The following SMG6 variants were observed in gnomAD, a reference collection of about 807,000 sequenced individuals.
The protein encoded by SMG6 is telomerase-binding protein EST1A.
In SMG6, 66 loss-of-function variants were observed where a neutral mutation model predicts 142.2. The ratio of observed to expected loss-of-function variants is 0.46; its 90% CI spans 0.38 to 0.57. SMG6 has a LOEUF of 0.57. SMG6 is among the 20% of genes least tolerant of loss of function. The probability of loss-of-function intolerance (pLI) is 0.00; values close to 1 mark genes in which losing one functional copy is unlikely to be tolerated. For synonymous variants in SMG6, 779 were observed against 702.4 expected, an observed-to-expected ratio of 1.11 and a Z score of -1.72; for missense variants, 1,793 against 1,832.0, an observed-to-expected ratio of 0.98 and a Z score of 0.39.
At chr17:2,273,095 A>G (rs997465797) in intron 8 of SMG6, among the ~76,000 whole-genome samples, 2 of 152,174 alleles carry the variant, frequency 1.3e-5, no homozygotes, top group African/African-American at 4.8e-5. Flanking sequence ...TTTTACAGGG[A>G]AAATGTGTAT....
rs1187202224 is a variant in SMG6 at position 2,188,434 on chromosome 17, C to T, written c.2951G>A (p.Arg984His). 20 of 1,613,974 alleles carry T rather than the reference C, an allele frequency of 1.2e-5. No homozygotes were observed. Among genetic ancestry groups the T allele is most frequent in the East Asian group, 8.9e-5 (4 of 44,882 alleles). Residue 984 changes from arginine (R) to histidine (H), a missense_variant, in exon 11 of 19, where the codon CGC (arginine) becomes CAC (histidine). Arg to His is a conservative substitution (Grantham distance 29, BLOSUM62 0). Around this residue, in one of 3 missense-constraint regions of SMG6, gnomAD observed 1,597 missense variants for 1,584.6 expected, o/e 1.01. Transcript: ENST00000263073. ...LGLAMFSLLVRRCTCLLKESA... is the reference protein window; with the variant it reads ...LGLAMFSLLVHRCTCLLKESA... ...CTCCTTAAGTAAGCAGGTGCAGCGG[C>T]GGACCAGTAGAGAAAACATGGCCAA...
chr17:2,094,779 A>G (rs1312931260), intron 13 of SMG6: 3 of 152,154 alleles, frequency 2.0e-5, no homozygotes, highest in Non-Finnish European at 4.4e-5. Context: ...GGTATTTTCT[A>G]CCCACCTGAA....
At chr17:2,112,052 C>G (rs747434987) in intron 13 of SMG6, among the ~76,000 whole-genome samples, 28 of 152,124 alleles carry the variant, frequency 1.8e-4, no homozygotes, top group Non-Finnish European at 3.2e-4. Context: ...AAATTTCTTA[C>G]AGAAGTGCCA....
At chr17:2,269,222 A>G (rs1329997854) in intron 8 of SMG6, among the ~76,000 whole-genome samples, 2 of 53,050 alleles carry the variant, frequency 3.8e-5, no homozygotes, top group Non-Finnish European at 6.9e-5. Context: ...TCCATCTCAA[A>G]AAAAAAAAAA....
chr17:2,233,241 C>T (rs745738011), intron 10 of SMG6: 3 of 152,358 alleles, frequency 2.0e-5, no homozygotes, highest in Admixed American at 1.3e-4. Flanking sequence ...TGGTGGGCCA[C>T]AAGATCACTT....
chr17:2,097,714 G>C (rs2068894200), intron 13 of SMG6, among the ~76,000 whole-genome samples: 2 of 152,146 alleles, frequency 1.3e-5, no homozygotes, highest in South Asian at 4.1e-4. Flanking sequence ...GAGGTCTGCT[G>C]TGTTATACAC....
At chr17:2,073,122 T>C (rs1043105473) in intron 15 of SMG6, among the ~76,000 whole-genome samples, 3 of 152,078 alleles carry the variant, frequency 2.0e-5, no homozygotes, top group Non-Finnish European at 4.4e-5. Flanking sequence ...CTTGCTCTGA[T>C]GCCTATGCTG....
At chr17:2,292,192 T>C (rs768190506) in intron 6 of SMG6, among the ~76,000 whole-genome samples, 5 of 152,296 alleles carry the variant, frequency 3.3e-5, no homozygotes, top group African/African-American at 1.2e-4. Context: ...GGGAGAGAAG[T>C]AAGCCTTATT....
intron 8 of SMG6, among the ~76,000 whole-genome samples, chr17:2,248,789 A>G (rs2073977612): frequency 6.6e-6 from 1 of 152,232 alleles, no homozygotes; most frequent in Non-Finnish European, 1.5e-5. Context: ...GGTATGTGAC[A>G]TGAAGGAGCA....
intron 13 of SMG6, chr17:2,088,423 T>A (rs1359698079): frequency 1.3e-5 from 13 of 985,250 alleles, no homozygotes; most frequent in Admixed American, 6.2e-5. Context: ...GGAGTAGCCC[T>A]CTCCCAGTTT....
At position 2,121,583 on chromosome 17, in the gene SMG6, C is replaced by CTGTGTGTGTGTGTGTGTG. The variant is rs1173330822; in HGVS notation, c.3358-35683_3358-35682insCACACACACACACACACA. On this transcript the variant is annotated intron_variant, in intron 13 of 18. Coordinates refer to ENST00000263073, the MANE Select transcript of SMG6 (RefSeq NM_017575.5). ...CACATATATGTATATATGTACATGT[C>CTGTGTGTGTGTGTGTGTG]TGTCTGTGTGTGTGTGTGTGTGTGT... Among the ~76,000 whole-genome samples, 8 of 118,294 alleles carry CTGTGTGTGTGTGTGTGTG rather than the reference C, an allele frequency of 6.8e-5. No homozygotes were observed. The South Asian group carries it at 8.7e-4, about 13-fold the overall frequency. 77.6% of individuals were successfully genotyped at this position (118,294 alleles called of 152,430 possible).
At chr17:2,303,345 TCTGAGAGGGCTGGGG>T in intron 1 of SMG6, 2 of 1,181,534 alleles carry the variant, frequency 1.7e-6, no homozygotes, top group Non-Finnish European at 2.1e-6. Flanking sequence ...CCGGGGCGGG[TCTGAGAGGGCTGGGG>T]CAAAAGGAAC....
intron 13 of SMG6, among the ~76,000 whole-genome samples, chr17:2,091,571 G>A (rs1372268430): frequency 1.3e-5 from 2 of 150,594 alleles, no homozygotes; most frequent in Non-Finnish European, 3.0e-5. Flanking sequence ...TACTGTCCAA[G>A]GGATCAATTC....
Position 2,065,613 on chromosome 17 carries a change from C to T in SMG6, c.3902G>A (p.Arg1301His), listed in dbSNP as rs773108107. Residue 1301 changes from arginine (R) to histidine (H), a missense_variant, in exon 17 of 19, where the codon CGT becomes CAT. Coordinates refer to ENST00000263073, the MANE Select transcript of SMG6 (RefSeq NM_017575.5). ...CTTGCGGGCCTTCTCTTGTACCACA[C>T]GGGCGTAGCCCCCAGCCCGGTGGTC... Reference protein sequence around the residue: ...ETDHRAGGYARVVQEKARKSI... With the variant: ...ETDHRAGGYAHVVQEKARKSI... 28 of 1,613,882 alleles carry T rather than the reference C, an allele frequency of 1.7e-5. No individual in the cohort carries two copies. Among genetic ancestry groups the T allele is most frequent in the East Asian group, 2.2e-5 (1 of 44,898 alleles).
intron 13 of SMG6, among the ~76,000 whole-genome samples, chr17:2,166,748 T>G (rs1021204556): frequency 2.0e-5 from 3 of 152,248 alleles, no homozygotes; most frequent in African/African-American, 7.2e-5. Flanking sequence ...CATGGGCCAC[T>G]GCTCCTGACC....
At chr17:2,198,246 A>G (rs971125544) in intron 10 of SMG6, among the ~76,000 whole-genome samples, 1 of 152,260 alleles carries the variant, frequency 6.6e-6, no homozygotes, top group African/African-American at 2.4e-5. Context: ...AAAAGGTTAT[A>G]TACTGTACAA....
intron 13 of SMG6, among the ~76,000 whole-genome samples, chr17:2,155,612 G>A (rs2070977495): frequency 6.6e-6 from 1 of 152,170 alleles, no homozygotes. Flanking sequence ...GCCTGAAGAA[G>A]AGAACACATC....
intron 8 of SMG6, among the ~76,000 whole-genome samples, chr17:2,249,043 C>A (rs547739022): frequency 6.6e-6 from 1 of 151,450 alleles, no homozygotes; most frequent in African/African-American, 2.4e-5. Context: ...CCCGCCACCA[C>A]GCCCCGTTAA....
chr17:2,293,416 A>G (rs1435425216), intron 4 of SMG6, among the ~76,000 whole-genome samples: 1 of 152,122 alleles, frequency 6.6e-6, no homozygotes, highest in African/African-American at 2.4e-5. Flanking sequence ...ATATTTTATA[A>G]ACTATAAAGA....
Sources: allele counts gnomAD v4.1 joint callset (sites outside exome capture counted in the v4.1 genomes callset), GRCh38; gene constraint gnomAD v4.1.1; regional missense constraint gnomAD v4.1.1; transcripts MANE v1.5; gene names NCBI Gene and HGNC (gene_info 2026-07-23, HGNC 2026-07-21).